Variants in SNX9 observed in about 807,000 individuals in gnomAD.
SNX9 encodes sorting nexin 9.
A neutral mutation model predicts 89.4 loss-of-function variants in SNX9; 44 were observed. The observed-to-expected ratio is 0.49, with a 90% CI of 0.39 to 0.63. SNX9 has a LOEUF of 0.63. Among genes scored for constraint, SNX9 ranks in the 30% least tolerant of loss-of-function variants. SNX9 has a pLI of 0.00. For missense variants in SNX9, 578 were observed against 736.1 expected (o/e 0.79, Z 2.49); for synonymous variants, 236 against 247.8 (o/e 0.95, Z 0.45).
chr6:157,901,979 A>G lies in SNX9; in HGVS notation c.554A>G (p.Asp185Gly), dbSNP rs758975444. 1.4e-5 allele frequency: 22 copies of G among 1,613,646 alleles called. No individual in the cohort carries two copies. Among genetic ancestry groups the G allele is most frequent in the Non-Finnish European group, 1.8e-5 (21 of 1,179,980 alleles). The change falls in exon 6 of 18, where the codon GAT (aspartate) becomes GGT (glycine). Residue 185 changes from aspartate (D) to glycine (G), a missense_variant. By Grantham distance (94) the Asp-to-Gly change is moderately conservative. This residue lies in a region of SNX9 where 230 missense variants were observed against 244.7 expected (regional missense o/e 0.94). Transcript: ENST00000392185. The stretch of plus-strand genomic sequence containing the variant: ...TACTTTAAGGATTCAGAGTCAGCTG[A>G]TGCAGGCGGCGCTCAGCGAGGAAAC... The part of the protein sequence containing the change: ...SSYFKDSESA[D>G]AGGAQRGNSR...
At chr6:157,905,890 C>T (rs1783205393) in intron 6 of SNX9, among the ~76,000 whole-genome samples, 1 of 152,152 alleles carries the variant, frequency 6.6e-6, no homozygotes, top group Admixed American at 6.5e-5. Context: ...AAATAGAGTG[C>T]CCGTAAACAT....
intron 1 of SNX9, among the ~76,000 whole-genome samples, chr6:157,855,588 C>G (rs1781994030): frequency 6.6e-6 from 1 of 152,154 alleles, no homozygotes; most frequent in African/African-American, 2.4e-5. Flanking sequence ...TAAACTGTTT[C>G]ATTTTATATT....
chr6:157,838,828 T>C lies in SNX9; in HGVS notation c.12+15382T>C, dbSNP rs546085678. On this transcript the variant is annotated intron_variant, in intron 1 of 17. Transcript: ENST00000392185. ...TCCCTGGTTGTACTCTAAAATTTTA[T>C]CTGGCACTGGTTAAACTAAGCCACT... Among the ~76,000 whole-genome samples the C allele has an allele frequency of 7.0e-4, 106 of 152,350 alleles. 1 individual carries two copies. Among genetic ancestry groups the C allele is most frequent in the African/African-American group, 2.3e-3 (95 of 41,586 alleles).
At chr6:157,925,390 T>C (rs951905654) in intron 10 of SNX9, among the ~76,000 whole-genome samples, 4 of 151,972 alleles carry the variant, frequency 2.6e-5, no homozygotes, top group African/African-American at 9.7e-5. Flanking sequence ...TCATAACGTG[T>C]TGGGGGAAAA....
chr6:157,882,081 G>T (rs1038669606), intron 4 of SNX9, among the ~76,000 whole-genome samples: 4 of 152,170 alleles, frequency 2.6e-5, no homozygotes, highest in African/African-American at 9.7e-5. Context: ...CAAAGAACAG[G>T]CTGACTCTCT....
chr6:157,862,557 T>G (rs745393270), intron 1 of SNX9, among the ~76,000 whole-genome samples: 11 of 152,234 alleles, frequency 7.2e-5, no homozygotes, highest in Non-Finnish European at 1.5e-4. Flanking sequence ...TGTTGAAGAT[T>G]TACTGCTTTT....
intron 1 of SNX9, among the ~76,000 whole-genome samples, chr6:157,866,407 C>T (rs1782262837): frequency 6.6e-6 from 1 of 152,106 alleles, no homozygotes; most frequent in Admixed American, 6.5e-5. Flanking sequence ...AACCTTATCT[C>T]TACAAAAAAT....
chr6:157,909,744 A>C lies in SNX9; in HGVS notation c.785A>C (p.Lys262Thr), dbSNP rs1355978734. 3.7e-6 allele frequency: 6 copies of C among 1,614,192 alleles called. No homozygotes were observed. The highest frequency in any genetic ancestry group is 5.1e-6 in the Non-Finnish European group (6 of 1,180,024). Reference sequence around the variant, plus strand: ...GTAGCAGATCCCAGGAAAGGCTCCAAAATGTATGGTCTAAAGAGCTACATC... The same window carrying C: ...GTAGCAGATCCCAGGAAAGGCTCCACAATGTATGGTCTAAAGAGCTACATC... ...CVVADPRKGS[K>T]MYGLKSYIEY... is the part of the protein sequence containing the mutation. Residue 262 changes from lysine to threonine, a missense_variant, in exon 8 of 18, where the codon AAA becomes ACA. Coordinates refer to ENST00000392185, the MANE Select transcript of SNX9 (RefSeq NM_016224.5).
intron 1 of SNX9, among the ~76,000 whole-genome samples, chr6:157,834,153 T>TTTTG (rs1781530480): frequency 1.6e-5 from 1 of 63,056 alleles, no homozygotes; most frequent in African/African-American, 8.0e-5. Flanking sequence ...CACTGTGGTT[T>TTTTG]TTTTTTTTTT....
chr6:157,938,582 A>G (rs762567786), intron 15 of SNX9, 51 bp from the exon 16 acceptor site: 3 of 1,214,602 alleles, frequency 2.5e-6, no homozygotes, highest in Admixed American at 1.7e-5. Flanking sequence ...TTTTAAACTA[A>G]TGACTAATCA....
At chr6:157,893,985 C>A (rs537061633) in intron 4 of SNX9, among the ~76,000 whole-genome samples, 85 of 151,738 alleles carry the variant, frequency 5.6e-4, no homozygotes, top group African/African-American at 2.0e-3. Context: ...GTGATGAAGG[C>A]GGCATTTCAA....
intron 4 of SNX9, among the ~76,000 whole-genome samples, chr6:157,889,964 A>G (rs1412509250): frequency 9.9e-5 from 15 of 152,182 alleles, no homozygotes. Flanking sequence ...TAGCCATTGT[A>G]TAAGTGTGGG....
At chr6:157,928,013 A>G (rs1783731700) in intron 11 of SNX9, among the ~76,000 whole-genome samples, 2 of 152,262 alleles carry the variant, frequency 1.3e-5, no homozygotes, top group Admixed American at 1.3e-4. Flanking sequence ...TAGTCTCCCA[A>G]ATCCTCCTCT....
chr6:157,902,112 C>A, intron 6 of SNX9, 67 bp downstream of exon 6: 1 of 1,389,134 alleles, frequency 7.2e-7, no homozygotes, highest in South Asian at 1.8e-5. Flanking sequence ...AAAGTATATA[C>A]CCTACCAAGA....
At chr6:157,834,756 C>T (rs1421386393) in intron 1 of SNX9, among the ~76,000 whole-genome samples, 2 of 152,136 alleles carry the variant, frequency 1.3e-5, no homozygotes, top group Non-Finnish European at 2.9e-5. Flanking sequence ...TGGGCATGCT[C>T]TGGTGATGTG....
At chr6:157,859,713 A>C (rs138855895) in intron 1 of SNX9, among the ~76,000 whole-genome samples, 6 of 152,172 alleles carry the variant, frequency 3.9e-5, no homozygotes, top group Admixed American at 3.9e-4. Flanking sequence ...GCGTTTTGTC[A>C]TGCATTTAAG....
At chr6:157,862,115 T>C (rs1782144054) in intron 1 of SNX9, among the ~76,000 whole-genome samples, 1 of 152,230 alleles carries the variant, frequency 6.6e-6, no homozygotes, top group South Asian at 2.1e-4. Flanking sequence ...ATTTAATATT[T>C]TCCAACTGCA....
rs576933909 is a variant in SNX9 at position 157,917,251 on chromosome 6, CT to C, written c.950-4273del. On this transcript the variant is annotated intron_variant, in intron 9 of 17. Coordinates refer to ENST00000392185, the MANE Select transcript of SNX9 (RefSeq NM_016224.5). ...TCTGATTTTGATCATTGTCACCTCT[CT>C]TTTTTTCTTTGGTTTTATGTATTTT... Among the ~76,000 whole-genome samples, 460 of 152,104 alleles carry C rather than the reference CT, an allele frequency of 3.0e-3. 4 individuals are homozygous for C. The highest frequency in any genetic ancestry group is 9.8e-3 in the African/African-American group (406 of 41,534).
At chr6:157,871,901 C>T (rs1398778133) in intron 2 of SNX9, among the ~76,000 whole-genome samples, 1 of 151,378 alleles carries the variant, frequency 6.6e-6, no homozygotes, top group African/African-American at 2.4e-5. Flanking sequence ...CCCAGCCTCC[C>T]GAGTAGCTGG....
Sources: gnomAD v4.1 joint callset for allele counts (sites outside exome capture counted in the v4.1 genomes callset) on GRCh38, gnomAD v4.1.1 for gene constraint, gnomAD v4.1.1 regional missense constraint, MANE v1.5 for transcripts, NCBI Gene and HGNC (gene_info 2026-07-23, HGNC 2026-07-21) for gene names.